CDC42EP4: variants seen among roughly 807,000 people sequenced by gnomAD.
The protein encoded by CDC42EP4 is CDC42 effector protein 4.
A neutral mutation model predicts 5.6 loss-of-function variants in CDC42EP4; 6 were observed. The observed-to-expected ratio is 1.07, with a 90% CI of 0.59 to 2.12. The LOEUF is 2.12. Among genes scored for constraint, CDC42EP4 ranks in the 30% most tolerant of loss-of-function variants. CDC42EP4 has a pLI of 0.00. For synonymous variants in CDC42EP4, 230 were observed against 224.2 expected, an observed-to-expected ratio of 1.03 and a Z score of -0.23; for missense variants, 490 against 508.6, an observed-to-expected ratio of 0.96 and a Z score of 0.35.
intron 1 of CDC42EP4, among the ~76,000 whole-genome samples, chr17:73,305,127 C>T (rs754199502): frequency 2.6e-4 from 40 of 152,334 alleles, no homozygotes; most frequent in Non-Finnish European, 4.9e-4. Flanking sequence ...CCGGAAGCAA[C>T]AACGGAGGAG....
rs769016987 is a variant in CDC42EP4 at position 73,286,222 on chromosome 17, G to T, written c.279C>A (p.Thr93=). ...TGTCACGCTGCTCCCGCTCCCCCCT[G>T]GTCACCGACTGTGACCGCTTGCTGC... ...FRGSKRSQSV[T]RGEREQRDML... is the part of the protein sequence containing the mutation. Residue 93 remains threonine (T), a synonymous_variant, in exon 2 of 2, where the codon ACC becomes ACA. Transcript: ENST00000335793. This position sits in a 1 kb window ranked among gnomAD's most constrained non-coding sequence, Gnocchi z 7.7. 6 of 1,614,026 alleles carry T rather than the reference G, an allele frequency of 3.7e-6. No homozygotes were observed. The highest frequency in any genetic ancestry group is 1.6e-4 in the Middle Eastern group (1 of 6,084).
rs2062126145 is a variant in CDC42EP4, at chr17:73,285,377, G to A, written c.*53C>T. ...TAGGGTCAAAGGTCATAGTGGGGTG[G>A]GGGCAGGGAGAAGATGCAGCCAAGA... is the stretch of plus-strand genomic sequence containing the variant. On this transcript the variant is annotated 3_prime_UTR_variant, in exon 2 of 2. Transcript: ENST00000335793. The surrounding 1 kb of genome is among the most constrained non-coding windows in gnomAD (Gnocchi z 6.8). 1 of 1,401,984 alleles carries A rather than the reference G, an allele frequency of 7.1e-7. No homozygotes were observed. The highest frequency in any genetic ancestry group is 9.8e-7 in the Non-Finnish European group (1 of 1,023,512). The allele number at this position is 1,401,984 out of a possible 1,614,324, so 86.8% of individuals were successfully genotyped here.
chr17:73,294,561 G>C (rs1404140323), intron 1 of CDC42EP4, among the ~76,000 whole-genome samples: 1 of 152,094 alleles, frequency 6.6e-6, no homozygotes, highest in Non-Finnish European at 1.5e-5. Flanking sequence ...TCCCACCCCA[G>C]GGCTCCATTC....
intron 1 of CDC42EP4, among the ~76,000 whole-genome samples, chr17:73,302,710 C>T (rs571341870): frequency 2.3e-4 from 35 of 152,284 alleles, no homozygotes; most frequent in African/African-American, 7.2e-4. Flanking sequence ...AGCCACCACA[C>T]GTGGCCAGAA....
intron 1 of CDC42EP4, among the ~76,000 whole-genome samples, chr17:73,288,556 C>G (rs1000004200): frequency 6.6e-6 from 1 of 152,096 alleles, no homozygotes; most frequent in African/African-American, 2.4e-5. Context: ...CGTGAGCCAC[C>G]GCGCCTGGTC....
In CDC42EP4 at chr17:73,286,224, TCA is replaced by T; in HGVS notation, c.275_276del (p.Val92AspfsTer9). ...TCACGCTGCTCCCGCTCCCCCCTGG[TCA>T]CCGACTGTGACCGCTTGCTGCCCCG... ...KFRGSKRSQS[V>X]TRGEREQRDM... On this transcript the variant is annotated frameshift_variant, in exon 2 of 2. Transcript: ENST00000335793. LOFTEE classifies it low-confidence loss of function (END_TRUNC). This position sits in a 1 kb window ranked among gnomAD's most constrained non-coding sequence, Gnocchi z 7.7. 1 of 1,614,146 alleles carries T rather than the reference TCA, an allele frequency of 6.2e-7. No individual in the cohort carries two copies. The highest frequency in any genetic ancestry group is 8.5e-7 in the Non-Finnish European group (1 of 1,180,024).
At position 73,286,294 on chromosome 17, in the gene CDC42EP4, G is replaced by C. The variant is rs750594883; in HGVS notation, c.207C>G (p.Pro69=). The stretch of plus-strand genomic sequence containing the variant: ...GACTGCGTTTGGAAGATGAAGAAGA[G>C]GGCTGTTCGTCCAAGGACTCGCCGT... ...EPDGESLDEQ[P]SSSSSKRSLL... is the part of the protein sequence containing the mutation. The change falls in exon 2 of 2, where the codon CCC becomes CCG. Residue 69 remains proline, a synonymous_variant. Coordinates refer to ENST00000335793, the MANE Select transcript of CDC42EP4 (RefSeq NM_012121.5). This position sits in a 1 kb window ranked among gnomAD's most constrained non-coding sequence, Gnocchi z 7.7. The C allele has an allele frequency of 6.2e-7, 1 of 1,614,242 alleles. No homozygotes were observed. The highest frequency in any genetic ancestry group is 8.5e-7 in the Non-Finnish European group (1 of 1,180,042).
chr17:73,301,890 A>G (rs1045022792), intron 1 of CDC42EP4, among the ~76,000 whole-genome samples: 1 of 152,032 alleles, frequency 6.6e-6, no homozygotes, highest in Non-Finnish European at 1.5e-5. Context: ...GGGTTTCACC[A>G]TGTTGGCCAG....
chr17:73,305,403 C>T (rs886791199), intron 1 of CDC42EP4, among the ~76,000 whole-genome samples: 18 of 152,204 alleles, frequency 1.2e-4, no homozygotes, highest in Non-Finnish European at 2.2e-4. Context: ...GAAAGTGCCG[C>T]GCTTGAAATC....
chr17:73,299,412 AGAGC>A (rs2062205869), intron 1 of CDC42EP4, among the ~76,000 whole-genome samples: 1 of 147,978 alleles, frequency 6.8e-6, no homozygotes, highest in African/African-American at 2.5e-5. Context: ...CCTGGGTGAC[AGAGC>A]GAGACTCCGT....
intron 1 of CDC42EP4, among the ~76,000 whole-genome samples, chr17:73,302,804 A>T (rs2062225248): frequency 6.6e-6 from 1 of 151,902 alleles, no homozygotes; most frequent in African/African-American, 2.4e-5. Context: ...GCACTTTGGG[A>T]GGCCGAGGCG....
intron 1 of CDC42EP4, among the ~76,000 whole-genome samples, chr17:73,309,550 A>G (rs76706547): frequency 2.3e-3 from 344 of 152,132 alleles, no homozygotes; most frequent in Non-Finnish European, 3.8e-3. Flanking sequence ...GGATGGGGAC[A>G]AGCACGGTGG....
chr17:73,303,054 A>AAAAAAAAAAG (rs1239837356), intron 1 of CDC42EP4, among the ~76,000 whole-genome samples: 1 of 122,706 alleles, frequency 8.1e-6, no homozygotes, highest in African/African-American at 3.2e-5. Flanking sequence ...AAAAAAAAAA[A>AAAAAAAAAAG]GATAATTGGC....
Position 73,285,889 on chromosome 17 carries a change from C to T in CDC42EP4, c.612G>A (p.Glu204=), listed in dbSNP as rs2062129987. The part of the protein sequence containing the change: ...PKATYGLKHA[E]SIMSFHIDLG... ...GGTCGATGTGGAAGGACATGATGGA[C>T]TCCGCATGCTTCAGCCCGTACGTGG... The change falls in exon 2 of 2, where the codon GAG becomes GAA. Residue 204 remains glutamate, a synonymous_variant. Coordinates refer to ENST00000335793, the MANE Select transcript of CDC42EP4 (RefSeq NM_012121.5). The surrounding 1 kb of genome is among the most constrained non-coding windows in gnomAD (Gnocchi z 6.8). The T allele has an allele frequency of 1.9e-6, 3 of 1,613,958 alleles. No individual in the cohort carries two copies. Among genetic ancestry groups the T allele is most frequent in the African/African-American group, 2.7e-5 (2 of 74,942 alleles).
chr17:73,305,578 T>C (rs1450970079), intron 1 of CDC42EP4, among the ~76,000 whole-genome samples: 4 of 152,246 alleles, frequency 2.6e-5, no homozygotes, highest in Non-Finnish European at 4.4e-5. Context: ...CTGCCGGAAG[T>C]TGGGGACAAA....
chr17:73,303,835 C>A (rs758055234), intron 1 of CDC42EP4, among the ~76,000 whole-genome samples: 4 of 152,168 alleles, frequency 2.6e-5, no homozygotes, highest in Non-Finnish European at 5.9e-5. Flanking sequence ...CACAAGTATT[C>A]TCCACCACCT....
At chr17:73,305,501 G>T (rs916978546) in intron 1 of CDC42EP4, among the ~76,000 whole-genome samples, 1 of 139,520 alleles carries the variant, frequency 7.2e-6, no homozygotes, top group Admixed American at 7.4e-5. Flanking sequence ...GGCCACCTTG[G>T]GGTCTCCAGG....
At position 73,285,392 on chromosome 17, in the gene CDC42EP4, T is replaced by A. The variant is rs748089447; in HGVS notation, c.*38A>T. Reference sequence around the variant, plus strand: ...TAGTGGGGTGGGGGCAGGGAGAAGATGCAGCCAAGAGCTCCCGGTGGCCAC... The same window carrying A: ...TAGTGGGGTGGGGGCAGGGAGAAGAAGCAGCCAAGAGCTCCCGGTGGCCAC... On this transcript the variant is annotated 3_prime_UTR_variant, in exon 2 of 2. Transcript: ENST00000335793. The surrounding 1 kb of genome is among the most constrained non-coding windows in gnomAD (Gnocchi z 6.8). 1 of 1,486,980 alleles carries A rather than the reference T, an allele frequency of 6.7e-7. No homozygotes were observed. Among genetic ancestry groups the A allele is most frequent in the Non-Finnish European group, 9.1e-7 (1 of 1,097,646 alleles). The allele number at this position is 1,486,980 out of a possible 1,614,324, so 92.1% of individuals were successfully genotyped here.
At position 73,296,043 on chromosome 17, in the gene CDC42EP4, C is replaced by T. The variant is rs575896355; in HGVS notation, c.-112-9431G>A. On this transcript the variant is annotated intron_variant, in intron 1 of 1. Coordinates refer to ENST00000335793, the MANE Select transcript of CDC42EP4 (RefSeq NM_012121.5). ...TAACCCTGTGGAACTATTTCAAAGG[C>T]GAAAAAAGTCACACACGTATTTGTT... Among the ~76,000 whole-genome samples, 37 of 151,630 alleles carry T rather than the reference C, an allele frequency of 2.4e-4. No homozygotes were observed. The South Asian group carries it at 2.9e-3, about 12-fold the overall frequency.
Sources: allele counts gnomAD v4.1 joint callset (sites outside exome capture counted in the v4.1 genomes callset), GRCh38; gene constraint gnomAD v4.1.1; non-coding constraint Gnocchi (gnomAD v3.1); transcripts MANE v1.5; gene names NCBI Gene and HGNC (gene_info 2026-07-23, HGNC 2026-07-21).